SAFB2: variants seen among roughly 807,000 people sequenced by gnomAD.
SAFB2 encodes scaffold attachment factor B2.
In SAFB2, 32 loss-of-function variants were observed where a neutral mutation model predicts 100.6. That is an observed-to-expected ratio of 0.32 (90% confidence interval 0.24 to 0.43). The LOEUF is 0.43. Among genes scored for constraint, SAFB2 ranks in the 20% least tolerant of loss-of-function variants. The pLI, the probability that SAFB2 is intolerant of heterozygous loss-of-function variation, is 1.00. For missense variants in SAFB2, 1,185 were observed against 1,163.4 expected (o/e 1.02, Z -0.27); for synonymous variants, 500 against 439.4 (o/e 1.14, Z -1.72).
chr19:5,593,829 G>C, intron 15 of SAFB2, 62 bp downstream of exon 15: 2 of 1,374,586 alleles, frequency 1.5e-6, no homozygotes, highest in Non-Finnish European at 1.9e-6. Context: ...CTGTTCTGCT[G>C]GAAGGGTGAA....
chr19:5,603,100 T>C (rs899085689), intron 11 of SAFB2, among the ~76,000 whole-genome samples: 8 of 151,952 alleles, frequency 5.3e-5, no homozygotes, highest in Non-Finnish European at 8.8e-5. Flanking sequence ...AGACCCTGTC[T>C]CTATCAAAAA....
chr19:5,606,232 A>C (rs903758543), intron 9 of SAFB2, among the ~76,000 whole-genome samples: 1 of 152,242 alleles, frequency 6.6e-6, no homozygotes, highest in Non-Finnish European at 1.5e-5. Flanking sequence ...GTGTGTGTCC[A>C]GTACCTCAGC....
At position 5,587,658 on chromosome 19, in the gene SAFB2, G is replaced by A. The variant is rs374244609; in HGVS notation, c.2705+43C>T. 55 of 1,520,964 alleles carry A rather than the reference G, an allele frequency of 3.6e-5. No homozygotes were observed. The African/African-American group carries it at 6.1e-4, about 17-fold the overall frequency. 94.2% of individuals were successfully genotyped at this position (1,520,964 alleles called of 1,614,324 possible). ...ATGCAAAAAAGGGAGAGGAAGTGAG[G>A]AGCAGGAGTGAACCACCGTCCTCCA... On this transcript the variant is annotated intron_variant, in intron 20 of 20. Transcript: ENST00000252542. The surrounding 1 kb of genome is among the most constrained non-coding windows in gnomAD (Gnocchi z 4.9).
intron 13 of SAFB2, 73 bp from the exon 14 acceptor site, chr19:5,595,570 G>A (rs976996718): frequency 2.6e-6 from 4 of 1,555,458 alleles, no homozygotes; most frequent in Admixed American, 1.7e-5. Context: ...TTATGCACGT[G>A]TGCATGAGAC....
rs1479131192 is a variant in SAFB2 at position 5,622,735 on chromosome 19, C to T, written c.-20G>A. On this transcript the variant is annotated 5_prime_UTR_variant, in exon 1 of 21. Coordinates refer to ENST00000252542, the MANE Select transcript of SAFB2 (RefSeq NM_014649.3). ...CGCCATCGTCGCGTTCCCGTCTTCGCCACCGACTCAGTCGCACACCGCCGG... is the reference window on the plus strand; with the variant it reads ...CGCCATCGTCGCGTTCCCGTCTTCGTCACCGACTCAGTCGCACACCGCCGG... The T allele has an allele frequency of 1.3e-6, 2 of 1,589,330 alleles. No homozygotes were observed. Among genetic ancestry groups the T allele is most frequent in the Non-Finnish European group, 1.7e-6 (2 of 1,172,602 alleles).
At position 5,587,859 on chromosome 19, in the gene SAFB2, G is replaced by GC; in HGVS notation, c.2638+8dup. The GC allele has an allele frequency of 6.2e-7, 1 of 1,607,220 alleles. No homozygotes were observed. Among genetic ancestry groups the GC allele is most frequent in the Non-Finnish European group, 8.5e-7 (1 of 1,176,986 alleles). On this transcript the variant is annotated intron_variant, in intron 19 of 20. Transcript: ENST00000252542. The surrounding 1 kb of genome is among the most constrained non-coding windows in gnomAD (Gnocchi z 4.9). ...ACAGCCACCCTCGTCCCTGGAGCCA[G>GC]CCCCGTACCTTGCCACCTGGCGTGC...
intron 11 of SAFB2, among the ~76,000 whole-genome samples, chr19:5,600,974 G>A (rs113084560): frequency 0.012 from 1,887 of 152,224 alleles, 30 homozygotes; most frequent in Non-Finnish European, 0.018. Context: ...CGACATGCCA[G>A]GGTCCAGGCA....
chr19:5,597,572 A>AG (rs1568212643), intron 13 of SAFB2, among the ~76,000 whole-genome samples: 1 of 152,206 alleles, frequency 6.6e-6, no homozygotes, highest in Non-Finnish European at 1.5e-5. Flanking sequence ...TGGCAGGCAC[A>AG]GGGGACGTGT....
At chr19:5,598,947 A>G in intron 12 of SAFB2, 63 bp from the exon 13 acceptor site, 3 of 1,482,136 alleles carry the variant, frequency 2.0e-6, no homozygotes, top group Non-Finnish European at 9.4e-7. Flanking sequence ...CGCAGTAAAC[A>G]GCACTCTGAT....
intron 1 of SAFB2, 61 bp from the exon 2 acceptor site, chr19:5,621,457 T>A (rs994427004): frequency 1.2e-5 from 13 of 1,071,860 alleles, no homozygotes; most frequent in Non-Finnish European, 1.6e-5. Context: ...CACTGTTCCT[T>A]ACAAGTAACA....
chr19:5,587,212 T>C lies in SAFB2; in HGVS notation c.*31A>G, dbSNP rs369467788. 4.2e-5 allele frequency: 68 copies of C among 1,605,924 alleles called. 1 individual carries two copies. In the East Asian group the frequency reaches 6.5e-4, roughly 15 times the overall value. Reference sequence around the variant, plus strand: ...TGGCTACCAGATTCAACAGTGCGTCTGCCCACCCGAAAACTCGCAGCGAGT... The same window carrying C: ...TGGCTACCAGATTCAACAGTGCGTCCGCCCACCCGAAAACTCGCAGCGAGT... On this transcript the variant is annotated 3_prime_UTR_variant, in exon 21 of 21. Coordinates refer to ENST00000252542, the MANE Select transcript of SAFB2 (RefSeq NM_014649.3). This position sits in a 1 kb window ranked among gnomAD's most constrained non-coding sequence, Gnocchi z 4.9.
rs1355512651 is a variant in SAFB2 at position 5,587,274 on chromosome 19, G to A, written c.2831C>T (p.Pro944Leu). 1 of 1,613,356 alleles carries A rather than the reference G, an allele frequency of 6.2e-7. No homozygotes were observed. The highest frequency in any genetic ancestry group is 1.7e-5 in the Admixed American group (1 of 59,956). The part of the protein sequence containing the change: ...SRVPHPHPHP[P>L]PYPHFTRRY Reference sequence around the variant, plus strand: ...GCGGCGGGTGAAGTGGGGGTACGGGGGGGGATGAGGGTGTGGGTGAGGGAC... The same window carrying A: ...GCGGCGGGTGAAGTGGGGGTACGGGAGGGGATGAGGGTGTGGGTGAGGGAC... The change falls in exon 21 of 21, where the codon CCC becomes CTC. Residue 944 changes from proline (P) to leucine (L), a missense_variant. By Grantham distance (98) the Pro-to-Leu change is moderately conservative (BLOSUM62 -3). Coordinates refer to ENST00000252542, the MANE Select transcript of SAFB2 (RefSeq NM_014649.3). This position sits in a 1 kb window ranked among gnomAD's most constrained non-coding sequence, Gnocchi z 4.9.
chr19:5,610,826 T>G, intron 7 of SAFB2, 138 bp from the exon 8 acceptor site: 1 of 757,324 alleles, frequency 1.3e-6, no homozygotes, highest in East Asian at 2.8e-5. Flanking sequence ...CTCTGCAAGC[T>G]TATATTGGAA....
intron 15 of SAFB2, 149 bp from the exon 16 acceptor site, chr19:5,593,036 C>T (rs2052448529): frequency 9.6e-6 from 7 of 727,244 alleles, no homozygotes; most frequent in South Asian, 9.2e-5. Context: ...AACATTCGAT[C>T]ATCATTGCTT....
chr19:5,621,164 G>A, intron 2 of SAFB2, 145 bp downstream of exon 2: 1 of 665,542 alleles, frequency 1.5e-6, no homozygotes, highest in Non-Finnish European at 2.8e-6. Context: ...TACCTGTTAG[G>A]TGGTGACGAG....
chr19:5,611,924 G>A, intron 6 of SAFB2: 1 of 515,462 alleles, frequency 1.9e-6, no homozygotes, highest in Non-Finnish European at 3.5e-6. Context: ...TCAAGTCTGG[G>A]TCTTCTGACT....
At chr19:5,604,732 A>C (rs768874226) in intron 10 of SAFB2, 37 bp from the exon 11 acceptor site, 18 of 1,613,888 alleles carry the variant, frequency 1.1e-5, no homozygotes, top group Non-Finnish European at 1.1e-5. Flanking sequence ...TGTGGCCCAG[A>C]GCTTCTCACT....
chr19:5,609,366 CA>C (rs1379337871), intron 9 of SAFB2, among the ~76,000 whole-genome samples: 1 of 143,774 alleles, frequency 7.0e-6, no homozygotes, highest in Non-Finnish European at 1.5e-5. Context: ...TGCAGTGGCA[CA>C]ATCTTGGCTC....
chr19:5,595,306 G>A, intron 14 of SAFB2, 55 bp downstream of exon 14: 2 of 1,578,878 alleles, frequency 1.3e-6, no homozygotes, highest in Non-Finnish European at 8.5e-7. Context: ...CTGGGAGAAG[G>A]ACAGCCACCC....
Sources: allele counts gnomAD v4.1 joint callset (sites outside exome capture counted in the v4.1 genomes callset), GRCh38; gene constraint gnomAD v4.1.1; non-coding constraint Gnocchi (gnomAD v3.1); transcripts MANE v1.5; gene names NCBI Gene and HGNC (gene_info 2026-07-23, HGNC 2026-07-21).